The following AKT3 variants were observed in gnomAD, a reference collection of about 807,000 sequenced individuals.
The protein encoded by AKT3 is RAC-gamma serine/threonine-protein kinase.
AKT3 carries 15 observed loss-of-function variants against 65.3 expected under a neutral mutation model. That is an observed-to-expected ratio of 0.23 (90% CI 0.15 to 0.35). AKT3 has a LOEUF of 0.35. Ranked by LOEUF, AKT3 falls within the 10% of genes least tolerant of loss-of-function variation. The pLI, the probability that AKT3 is intolerant of heterozygous loss-of-function variation, is 1.00. For missense variants in AKT3, 243 were observed against 576.5 expected (o/e 0.42, Z 5.92); for synonymous variants, 206 against 183.8 (o/e 1.12, Z -0.98).
intron 5 of AKT3, 59 bp downstream of exon 5, chr1:243,645,834 T>C: frequency 6.8e-7 from 1 of 1,465,264 alleles, no homozygotes; most frequent in Non-Finnish European, 9.1e-7. Flanking sequence ...ATGGTAGCTT[T>C]TAATATGTTT....
At chr1:243,694,065 T>A (rs969717184) in intron 3 of AKT3, among the ~76,000 whole-genome samples, 1 of 152,182 alleles carries the variant, frequency 6.6e-6, no homozygotes, top group Non-Finnish European at 1.5e-5. Context: ...ACATACAGTA[T>A]GTCTTTAAAA....
intron 2 of AKT3, among the ~76,000 whole-genome samples, chr1:243,840,867 A>G (rs1037775381): frequency 3.9e-5 from 6 of 152,078 alleles, no homozygotes; most frequent in African/African-American, 1.2e-4. Context: ...AAATCCTTCT[A>G]TTTTTCACAA....
chr1:243,849,338 C>A (rs1226252526), intron 1 of AKT3, among the ~76,000 whole-genome samples: 1 of 152,128 alleles, frequency 6.6e-6, no homozygotes, highest in African/African-American at 2.4e-5. Flanking sequence ...CAAAACCCCA[C>A]TACTATTAAA....
chr1:243,625,182 A>AGTAC (rs1274034853), intron 6 of AKT3: 1 of 134,092 alleles, frequency 7.5e-6, no homozygotes, highest in Non-Finnish European at 1.4e-5. Context: ...CCCAGGCTGG[A>AGTAC]GTACAGTGGC....
chr1:243,796,929 TAAG>T (rs1692055216), intron 2 of AKT3, among the ~76,000 whole-genome samples: 1 of 152,074 alleles, frequency 6.6e-6, no homozygotes, highest in Non-Finnish European at 1.5e-5. Context: ...CAGTCAAATT[TAAG>T]AAGGCAGAAA....
In AKT3 at chr1:243,505,393, T is replaced by C. The variant is rs1391175316; in HGVS notation, c.1355-59A>G. ...CATTCATTTTTTGCAACATTATCTCTAGTCTATGTTTTTTAAACTCTGAAC... is the reference window on the plus strand; with the variant it reads ...CATTCATTTTTTGCAACATTATCTCCAGTCTATGTTTTTTAAACTCTGAAC... On this transcript the variant is annotated intron_variant, in intron 13 of 13. Coordinates refer to ENST00000673466, the MANE Select transcript of AKT3 (RefSeq NM_005465.7). The C allele has an allele frequency of 2.8e-6, 4 of 1,443,664 alleles. No homozygotes were observed. In the African/African-American group the frequency reaches 5.6e-5, roughly 20 times the overall value. The allele number at this position is 1,443,664 out of a possible 1,614,324, so 89.4% of individuals were successfully genotyped here.
chr1:243,546,049 G>A (rs1672649886), intron 11 of AKT3, among the ~76,000 whole-genome samples: 1 of 152,132 alleles, frequency 6.6e-6, no homozygotes, highest in Non-Finnish European at 1.5e-5. Context: ...GGAGGTACCA[G>A]GTGGGAGGTA....
intron 11 of AKT3, among the ~76,000 whole-genome samples, chr1:243,548,988 T>A (rs762530013): frequency 7.2e-5 from 11 of 152,170 alleles, no homozygotes; most frequent in Admixed American, 2.6e-4. Context: ...AAGGTCCTTG[T>A]TAGCTTTCTT....
At chr1:243,651,025 C>T (rs1404963415) in intron 4 of AKT3, among the ~76,000 whole-genome samples, 3 of 152,246 alleles carry the variant, frequency 2.0e-5, no homozygotes, top group Non-Finnish European at 4.4e-5. Context: ...TTGATTCTTC[C>T]TATCCATGAG....
At position 243,499,869 on chromosome 1, in the gene AKT3, C is replaced by G; in HGVS notation, c.*5380G>C. On this transcript the variant is annotated 3_prime_UTR_variant, in exon 14 of 14. Coordinates refer to ENST00000673466, the MANE Select transcript of AKT3 (RefSeq NM_005465.7). ...TTAGACTTAATATGCCACAACGCAC[C>G]ACGACCTTCCCAGGGTGACACCGCC... 2 of 1,336,638 alleles carry G rather than the reference C, an allele frequency of 1.5e-6. No individual in the cohort carries two copies. The highest frequency in any genetic ancestry group is 2.1e-6 in the Non-Finnish European group (2 of 940,206). The allele number at this position is 1,336,638 out of a possible 1,614,324, so 82.8% of individuals were successfully genotyped here.
chr1:243,709,070 T>C (rs1685985696), intron 2 of AKT3, among the ~76,000 whole-genome samples: 1 of 151,900 alleles, frequency 6.6e-6, no homozygotes, highest in African/African-American at 2.4e-5. Flanking sequence ...AAGGAAAAGT[T>C]TTCTAGCATT....
chr1:243,797,219 C>T (rs564535579), intron 2 of AKT3, among the ~76,000 whole-genome samples: 4 of 151,898 alleles, frequency 2.6e-5, no homozygotes, highest in Non-Finnish European at 4.4e-5. Context: ...TCAAAAGACA[C>T]CTCCCAAGAT....
At chr1:243,589,450 TC>T (rs1344328684) in intron 8 of AKT3, among the ~76,000 whole-genome samples, 1 of 151,880 alleles carries the variant, frequency 6.6e-6, no homozygotes, top group African/African-American at 2.4e-5. Flanking sequence ...AGATCACTAG[TC>T]AACAGAGAAA....
At chr1:243,683,678 G>A (rs1304436516) in intron 3 of AKT3, among the ~76,000 whole-genome samples, 1 of 152,146 alleles carries the variant, frequency 6.6e-6, no homozygotes, top group Admixed American at 6.6e-5. Flanking sequence ...GGCAGATACA[G>A]AGGAAAGGAA....
At chr1:243,499,027 G>GAAAC (rs1274562169), downstream of AKT3, among the ~76,000 whole-genome samples, 3 of 152,314 alleles carry the variant, frequency 2.0e-5, no homozygotes, top group East Asian at 3.9e-4. Context: ...TTGTGGAGTG[G>GAAAC]AAACATTTCC....
chr1:243,762,847 C>T (rs1409094153), intron 2 of AKT3, among the ~76,000 whole-genome samples: 1 of 152,006 alleles, frequency 6.6e-6, no homozygotes, highest in Non-Finnish European at 1.5e-5. Context: ...GATCTGATAT[C>T]TGTCATTTAC....
At chr1:243,798,651 G>GCAAA (rs1168226610) in intron 2 of AKT3, among the ~76,000 whole-genome samples, 1 of 151,952 alleles carries the variant, frequency 6.6e-6, no homozygotes, top group Non-Finnish European at 1.5e-5. Flanking sequence ...CTCCTAGACA[G>GCAAA]CAAACAAACA....
intron 2 of AKT3, among the ~76,000 whole-genome samples, chr1:243,770,761 A>G (rs1690132170): frequency 6.6e-6 from 1 of 150,978 alleles, no homozygotes; most frequent in Admixed American, 6.6e-5. Flanking sequence ...TTTTTGGGAC[A>G]GCAAAAATGA....
At position 243,499,959 on chromosome 1, in the gene AKT3, G is replaced by A; in HGVS notation, c.*5290C>T. 1 of 668,762 alleles carries A rather than the reference G, an allele frequency of 1.5e-6. No individual in the cohort carries two copies. Among genetic ancestry groups the A allele is most frequent in the South Asian group, 1.7e-5 (1 of 60,420 alleles). The allele number at this position is 668,762 out of a possible 1,614,324, so 41.4% of individuals were successfully genotyped here. A position where few individuals can be genotyped will look rare whatever the true frequency, so the allele number is the denominator to read the frequency against. On this transcript the variant is annotated 3_prime_UTR_variant, in exon 14 of 14. Coordinates refer to ENST00000673466, the MANE Select transcript of AKT3 (RefSeq NM_005465.7). ...TGTCCCCGCACGCAGTCGGGCTGGA[G>A]CTGGAGTCTGACTCTAGCTGAGCAG...
Sources: gnomAD v4.1 joint callset for allele counts (sites outside exome capture counted in the v4.1 genomes callset) on GRCh38, gnomAD v4.1.1 for gene constraint, MANE v1.5 for transcripts, NCBI Gene and HGNC (gene_info 2026-07-23, HGNC 2026-07-21) for gene names.